PLS3: variants seen among roughly 807,000 people sequenced by gnomAD.
The protein encoded by PLS3 is plastin-3.
PLS3 carries 11 observed loss-of-function variants against 46.5 expected under a neutral mutation model. The ratio of observed to expected loss-of-function variants is 0.24; its 90% CI spans 0.15 to 0.39. The LOEUF (loss-of-function observed/expected upper bound fraction) is 0.39, where lower values mean the gene tolerates loss of function less well. Ranked by LOEUF, PLS3 falls within the 10% of genes least tolerant of loss-of-function variation. The probability of loss-of-function intolerance (pLI) is 1.00; values close to 1 mark genes in which losing one functional copy is unlikely to be tolerated. For synonymous variants in PLS3, 167 were observed against 162.2 expected, an observed-to-expected ratio of 1.03 and a Z score of -0.22; for missense variants, 308 against 461.8, an observed-to-expected ratio of 0.67 and a Z score of 3.05.
In PLS3 at chrX:115,619,674, T is replaced by C. The variant is rs782101020; in HGVS notation, c.74-2572T>C. ...AAGGAAATCTAAGTGATTTTCACACTAAGTATTGAATGGTTTGTTATTGAT... is the reference window on the plus strand; with the variant it reads ...AAGGAAATCTAAGTGATTTTCACACCAAGTATTGAATGGTTTGTTATTGAT... On this transcript the variant is annotated intron_variant, in intron 2 of 15. Coordinates refer to ENST00000355899, the MANE Select transcript of PLS3 (RefSeq NM_005032.7). 1.6e-4 allele frequency among the ~76,000 whole-genome samples: 18 copies of C among 112,830 alleles called. No individual in the cohort carries two copies. In the South Asian group the frequency reaches 5.1e-3, roughly 32 times the overall value.
intron 3 of PLS3, among the ~76,000 whole-genome samples, chrX:115,628,180 C>G (rs2074729819): frequency 8.9e-6 from 1 of 112,260 alleles, no homozygotes; most frequent in Non-Finnish European, 1.9e-5. Flanking sequence ...CTGACACATA[C>G]AACCTGAACT....
At chrX:115,585,476 C>T (rs957708270) in intron 1 of PLS3, among the ~76,000 whole-genome samples, 12 of 110,714 alleles carry the variant, frequency 1.1e-4, no homozygotes, top group South Asian at 3.8e-4. Flanking sequence ...CTGCAAGCTC[C>T]GCCTCCTGGG....
intron 2 of PLS3, among the ~76,000 whole-genome samples, chrX:115,617,147 T>G (rs1556636931): frequency 1.8e-5 from 2 of 111,596 alleles, no homozygotes; most frequent in African/African-American, 6.5e-5. Flanking sequence ...GGGTAGGTAC[T>G]CAGTTTGCTC....
chrX:115,643,194 A>G (rs1013611004), intron 9 of PLS3, 119 bp from the exon 10 acceptor site: 7 of 479,623 alleles, frequency 1.5e-5, no homozygotes, highest in Admixed American at 1.1e-4. Context: ...CAATTTTATA[A>G]TAAGTACCAT....
At chrX:115,644,214 T>C (rs2074927492) in intron 10 of PLS3, among the ~76,000 whole-genome samples, 1 of 110,549 alleles carries the variant, frequency 9.0e-6, no homozygotes, top group Non-Finnish European at 1.9e-5. Context: ...AAGAAACAAA[T>C]GATAATATAT....
intron 1 of PLS3, among the ~76,000 whole-genome samples, chrX:115,570,894 CTTTTTT>C (rs369920378): frequency 1.2e-5 from 1 of 84,330 alleles, no homozygotes; most frequent in Non-Finnish European, 2.2e-5. Flanking sequence ...TTAATTTATT[CTTTTTT>C]TTTTTTTTTT....
At chrX:115,613,899 G>A (rs2074570001) in intron 2 of PLS3, among the ~76,000 whole-genome samples, 1 of 111,870 alleles carries the variant, frequency 8.9e-6, no homozygotes. Context: ...AATGTAAAGA[G>A]AAAATCTTAT....
At chrX:115,646,304 T>G (rs782724764) in intron 12 of PLS3, 98 bp from the exon 13 acceptor site, 1 of 973,909 alleles carries the variant, frequency 1.0e-6, no homozygotes, top group Non-Finnish European at 1.4e-6. Context: ...TCTTATTTGT[T>G]TTTGTGTGCT....
chrX:115,562,138 C>A (rs947223111), intron 1 of PLS3, among the ~76,000 whole-genome samples: 1 of 110,580 alleles, frequency 9.0e-6, no homozygotes, highest in Non-Finnish European at 1.9e-5. Context: ...GTCTACCCCC[C>A]CGCCCTTTCC....
At chrX:115,571,687 G>A (rs782476632) in intron 1 of PLS3, among the ~76,000 whole-genome samples, 2 of 111,725 alleles carry the variant, frequency 1.8e-5, no homozygotes, top group Admixed American at 9.6e-5. Context: ...AGAATGAAAG[G>A]TAATAGGTAG....
intron 9 of PLS3, among the ~76,000 whole-genome samples, 167 bp from the exon 10 acceptor site, chrX:115,643,146 A>C (rs1207473519): frequency 9.0e-6 from 1 of 111,547 alleles, no homozygotes; most frequent in African/African-American, 3.3e-5. Flanking sequence ...CAGGTACTGC[A>C]TCTCCAAGAG....
chrX:115,627,540 T>C (rs1035159340), intron 3 of PLS3, among the ~76,000 whole-genome samples: 1 of 112,279 alleles, frequency 8.9e-6, no homozygotes, highest in African/African-American at 3.2e-5. Context: ...AGGATCAAAA[T>C]GCATCACAGT....
At chrX:115,624,788 A>AT (rs1556638244) in intron 3 of PLS3, among the ~76,000 whole-genome samples, 1 of 112,255 alleles carries the variant, frequency 8.9e-6, no homozygotes, top group African/African-American at 3.2e-5. Context: ...AGAAAACAAC[A>AT]TTCGTGAGGA....
chrX:115,633,969 A>T, intron 5 of PLS3, 31 bp from the exon 6 acceptor site: 1 of 745,400 alleles, frequency 1.3e-6, no homozygotes, highest in Non-Finnish European at 2.1e-6. Context: ...CTTTTTTTTT[A>T]CATCAGCCTT....
chrX:115,609,826 A>G (rs782735702), intron 1 of PLS3, among the ~76,000 whole-genome samples: 4 of 112,358 alleles, frequency 3.6e-5, no homozygotes, highest in East Asian at 2.8e-4. Flanking sequence ...TTGAAAATCA[A>G]TGTCTTCACA....
intron 8 of PLS3, among the ~76,000 whole-genome samples, chrX:115,637,596 CA>C (rs1378962388): frequency 9.0e-6 from 1 of 111,492 alleles, no homozygotes; most frequent in Non-Finnish European, 1.9e-5. Flanking sequence ...GGAAAACTAA[CA>C]ATGGAGGAAG....
intron 1 of PLS3, among the ~76,000 whole-genome samples, chrX:115,587,356 C>T (rs916260939): frequency 8.9e-6 from 1 of 112,459 alleles, no homozygotes; most frequent in South Asian, 3.6e-4. Flanking sequence ...AGTATTTCTG[C>T]TGCATATGGA....
intron 5 of PLS3, among the ~76,000 whole-genome samples, chrX:115,632,537 G>A (rs1320786945): frequency 9.0e-6 from 1 of 111,157 alleles, no homozygotes; most frequent in East Asian, 2.8e-4. Flanking sequence ...TTTTCCTAAT[G>A]AGTCACAGAC....
chrX:115,603,086 G>C (rs1355720883), intron 1 of PLS3, among the ~76,000 whole-genome samples: 1 of 111,013 alleles, frequency 9.0e-6, no homozygotes, highest in Non-Finnish European at 1.9e-5. Flanking sequence ...ATAGTTTCAG[G>C]TAGTTGTAGG....
Sources: gnomAD v4.1 joint callset for allele counts (sites outside exome capture counted in the v4.1 genomes callset) on GRCh38, gnomAD v4.1.1 for gene constraint, MANE v1.5 for transcripts, NCBI Gene and HGNC (gene_info 2026-07-23, HGNC 2026-07-21) for gene names.